Variants in MAPK8IP3 observed in about 807,000 individuals in gnomAD.
MAPK8IP3 encodes C-Jun-amino-terminal kinase-interacting protein 3.
Under a neutral mutation model 157.8 loss-of-function variants are expected in MAPK8IP3, and 49 were observed. The ratio of observed to expected loss-of-function variants is 0.31; its 90% CI spans 0.25 to 0.39. The LOEUF (loss-of-function observed/expected upper bound fraction) is 0.39, where lower values mean the gene tolerates loss of function less well. MAPK8IP3 is among the 10% of genes least tolerant of loss of function. MAPK8IP3 has a pLI of 1.00. For missense variants in MAPK8IP3, 1,478 were observed against 1,889.4 expected (o/e 0.78, Z 4.04); for synonymous variants, 897 against 777.7 (o/e 1.15, Z -2.55).
At chr16:1,759,091 C>A in intron 10 of MAPK8IP3, 96 bp downstream of exon 10, 1 of 1,537,792 alleles carries the variant, frequency 6.5e-7, no homozygotes, top group Middle Eastern at 1.7e-4. Flanking sequence ...ATGATGGGGA[C>A]AGTGTTGGGG....
At chr16:1,739,216 G>A (rs1217728493) in intron 4 of MAPK8IP3, among the ~76,000 whole-genome samples, 2 of 137,188 alleles carry the variant, frequency 1.5e-5, no homozygotes, top group Non-Finnish European at 3.1e-5. Flanking sequence ...GCGTCCGTGT[G>A]AGCGTGTGAC....
chr16:1,748,436 G>A, intron 7 of MAPK8IP3, 90 bp downstream of exon 7: 2 of 1,251,264 alleles, frequency 1.6e-6, no homozygotes, highest in East Asian at 2.5e-5. Context: ...GCCACCACTG[G>A]GAGAACCATC....
chr16:1,716,580 C>T lies in MAPK8IP3; in HGVS notation c.319-7977C>T, dbSNP rs564868264. Among the ~76,000 whole-genome samples, 22 of 152,078 alleles carry T rather than the reference C, an allele frequency of 1.4e-4. No homozygotes were observed. The South Asian group carries it at 4.2e-3, about 29-fold the overall frequency. On this transcript the variant is annotated intron_variant, in intron 1 of 31. Transcript: ENST00000610761. ...AAAATGCTGGGATTACAGGAGTAAG[C>T]CACTGTGCCCAGCCAGGTTATTTCA...
In MAPK8IP3 at chr16:1,728,226, G is replaced by A. The variant is rs559502475; in HGVS notation, c.440-912G>A. On this transcript the variant is annotated intron_variant, in intron 2 of 31. Transcript: ENST00000610761. Reference sequence around the variant, plus strand: ...ATCACGTCTGGGGCCAGAGAGGCCCGTGTTGGTGTCACGGGGGGCCTCCCG... The same window carrying A: ...ATCACGTCTGGGGCCAGAGAGGCCCATGTTGGTGTCACGGGGGGCCTCCCG... 4.7e-4 allele frequency among the ~76,000 whole-genome samples: 71 copies of A among 152,332 alleles called. 1 individual carries two copies. The South Asian group carries it at 0.012, about 27-fold the overall frequency.
In MAPK8IP3 at chr16:1,762,885, C is replaced by G; in HGVS notation, c.1777C>G (p.Pro593Ala). 1 of 1,613,188 alleles carries G rather than the reference C, an allele frequency of 6.2e-7. No individual in the cohort carries two copies. The highest frequency in any genetic ancestry group is 8.5e-7 in the Non-Finnish European group (1 of 1,179,984). ...CTCCAGCCCCCCTCCGGCCAAGCGC[C>G]CCTATCCCTCGGTGAACATCCACTA... ...SSSSPPPAKR[P>A]YPSVNIHYKS... Residue 593 changes from proline (P) to alanine (A), a missense_variant, in exon 16 of 32, where the codon CCC becomes GCC. Pro to Ala is a conservative substitution (Grantham distance 27). Transcript: ENST00000610761.
intron 1 of MAPK8IP3, among the ~76,000 whole-genome samples, chr16:1,720,472 G>A (rs1305673014): frequency 6.6e-6 from 1 of 152,176 alleles, no homozygotes; most frequent in Non-Finnish European, 1.5e-5. Flanking sequence ...GAGTACGCCT[G>A]TTGGTGTTGA....
intron 1 of MAPK8IP3, chr16:1,713,579 G>C (rs555897860): frequency 1.3e-5 from 2 of 152,216 alleles, no homozygotes; most frequent in Non-Finnish European, 2.9e-5. Context: ...GGGAGATCCC[G>C]TAGCAGTGGG....
In MAPK8IP3 at chr16:1,743,284, C is replaced by A; in HGVS notation, c.603-48C>A. On this transcript the variant is annotated intron_variant, in intron 4 of 31. Coordinates refer to ENST00000610761, the MANE Select transcript of MAPK8IP3 (RefSeq NM_001318852.2). The surrounding 1 kb of genome is among the most constrained non-coding windows in gnomAD (Gnocchi z 5.6). ...CCTGGGAGGGCTTGGGAAATCTTCA[C>A]GGCCACCCTCTAACCATCGCTTCCT... 6.7e-7 allele frequency: 1 copy of A among 1,487,846 alleles called. No individual in the cohort carries two copies. The highest frequency in any genetic ancestry group is 8.9e-7 in the Non-Finnish European group (1 of 1,124,400). 92.2% of individuals were successfully genotyped at this position (1,487,846 alleles called of 1,614,324 possible). A position where few individuals can be genotyped will look rare whatever the true frequency, so the allele number is the denominator to read the frequency against.
rs1287668308 is a variant in MAPK8IP3 at position 1,764,201 on chromosome 16, C to T, written c.2112C>T (p.Pro704=). 1.2e-6 allele frequency: 2 copies of T among 1,610,918 alleles called. No homozygotes were observed. Among genetic ancestry groups the T allele is most frequent in the African/African-American group, 2.7e-5 (2 of 74,914 alleles). ...VYCRPLVEKD[P]TMKLWCAAGV... ...GCCGCCCTCTGGTGGAGAAGGACCC[C>T]ACCATGAAGGTGAGCCCGCGAGGAC... Residue 704 remains proline (P), a synonymous_variant, in exon 18 of 32, where the codon CCC becomes CCT. Coordinates refer to ENST00000610761, the MANE Select transcript of MAPK8IP3 (RefSeq NM_001318852.2).
Position 1,767,905 on chromosome 16 carries a change from C to T in MAPK8IP3, c.3510C>T (p.Ile1170=), listed in dbSNP as rs1163506277. 3.1e-6 allele frequency: 5 copies of T among 1,610,952 alleles called. No individual in the cohort carries two copies. The highest frequency in any genetic ancestry group is 4.2e-6 in the Non-Finnish European group (5 of 1,179,794). ...VGTGNGVVIS[I]PLTETVVLHR... is the part of the protein sequence containing the mutation. ...CCGGCAACGGAGTGGTCATCTCCATCCCCCTGACAGAGAGTGAGTGGCCTG... is the reference window on the plus strand; with the variant it reads ...CCGGCAACGGAGTGGTCATCTCCATTCCCCTGACAGAGAGTGAGTGGCCTG... The change falls in exon 28 of 32, where the codon ATC becomes ATT. Residue 1170 remains isoleucine (I), a synonymous_variant. Transcript: ENST00000610761.
Position 1,768,755 on chromosome 16 carries a change from G to A in MAPK8IP3, c.3945G>A (p.Val1315=), listed in dbSNP as rs1288426514. ...AGGGCGCAGGGGACATGAGCCAGGT[G>A]AAGCCCGTGCTGTCCAAGGCAGAGC... The part of the protein sequence containing the change: ...TEEGAGDMSQ[V]KPVLSKAERS... The change falls in exon 32 of 32, where the codon GTG becomes GTA. Residue 1315 remains valine (V), a synonymous_variant. Coordinates refer to ENST00000610761, the MANE Select transcript of MAPK8IP3 (RefSeq NM_001318852.2). 1 of 1,612,828 alleles carries A rather than the reference G, an allele frequency of 6.2e-7. No homozygotes were observed. The highest frequency in any genetic ancestry group is 1.7e-5 in the Admixed American group (1 of 60,022).
In MAPK8IP3 at chr16:1,766,141, G is replaced by T. The variant is rs1410537672; in HGVS notation, c.2628G>T (p.Gln876His). 6 of 1,608,142 alleles carry T rather than the reference G, an allele frequency of 3.7e-6. No homozygotes were observed. The highest frequency in any genetic ancestry group is 4.2e-6 in the Non-Finnish European group (5 of 1,176,534). ...ACACCCCAGTGCTAGACAAGGGGCA[G>T]GGTGAGTCCTGGGCGAGTTTCCCCC... ...RGDTPVLDKG[Q>H]GEVATIANGK... is the part of the protein sequence containing the mutation. Residue 876 changes from glutamine (Q) to histidine (H), a missense_variant and splice_region_variant, in exon 21 of 32, where the codon CAG becomes CAT. Around this residue, in one of 11 missense-constraint regions of MAPK8IP3, gnomAD observed 669 missense variants for 759.8 expected, o/e 0.88. Transcript: ENST00000610761.
rs1020211820 is a variant in MAPK8IP3 at position 1,746,821 on chromosome 16, A to C, written c.748-208A>C. ...GGTGGCCCTGCTTCCGAGGAGCCGG[A>C]GTCAGTGGCCGGATAAGCAGAGCCA... On this transcript the variant is annotated intron_variant, in intron 5 of 31. Transcript: ENST00000610761. 2.5e-5 allele frequency: 15 copies of C among 602,656 alleles called. No individual in the cohort carries two copies. In the African/African-American group the frequency reaches 2.8e-4, roughly 11 times the overall value. The allele number at this position is 602,656 out of a possible 1,614,324, so 37.3% of individuals were successfully genotyped here. A position where few individuals can be genotyped will look rare whatever the true frequency, so the allele number is the denominator to read the frequency against.
rs543990121 is a variant in MAPK8IP3, at chr16:1,769,919, G to A, written c.*1095G>A. The A allele has an allele frequency of 4.6e-5, 7 of 152,446 alleles. No individual in the cohort carries two copies. Among genetic ancestry groups the A allele is most frequent in the East Asian group, 3.9e-4 (2 of 5,170 alleles). 9.4% of individuals were successfully genotyped at this position (152,446 alleles called of 1,614,324 possible). A position where few individuals can be genotyped will look rare whatever the true frequency, so the allele number is the denominator to read the frequency against. Reference sequence around the variant, plus strand: ...CCCAGCCGACTCCAAGCCCGCAGAGGGCAGACGCCACCCTGGACTGCTCTC... The same window carrying A: ...CCCAGCCGACTCCAAGCCCGCAGAGAGCAGACGCCACCCTGGACTGCTCTC... On this transcript the variant is annotated 3_prime_UTR_variant, in exon 32 of 32. Transcript: ENST00000610761.
chr16:1,721,776 G>A (rs1008075261), intron 1 of MAPK8IP3, among the ~76,000 whole-genome samples: 1 of 151,242 alleles, frequency 6.6e-6, no homozygotes, highest in Admixed American at 6.6e-5. Context: ...GTTTTGTTTT[G>A]TTTTGTTTTT....
intron 12 of MAPK8IP3, 62 bp from the exon 13 acceptor site, chr16:1,761,162 C>T: frequency 7.3e-7 from 1 of 1,364,182 alleles, no homozygotes; most frequent in South Asian, 1.2e-5. Context: ...GCACTGCCCG[C>T]TATGTGTTCC....
Position 1,764,404 on chromosome 16 carries a change from A to C in MAPK8IP3, c.2225A>C (p.Asp742Ala). 1 of 1,603,712 alleles carries C rather than the reference A, an allele frequency of 6.2e-7. No individual in the cohort carries two copies. Among genetic ancestry groups the C allele is most frequent in the Non-Finnish European group, 8.5e-7 (1 of 1,176,736 alleles). ...CCAGGCCGCGATCCCCTGACCTGCG[A>C]CCGCGAAGGAGACGGCGAGCCCAAG... is the stretch of plus-strand genomic sequence containing the variant. ...PAPGRDPLTC[D>A]REGDGEPKSA... The change falls in exon 19 of 32, where the codon GAC becomes GCC. Residue 742 changes from aspartate (D) to alanine (A), a missense_variant. Physicochemically the swap from Asp to Ala is moderately radical, Grantham distance 126. Transcript: ENST00000610761.
At chr16:1,764,820 G>A (rs762717444) in intron 19 of MAPK8IP3, among the ~76,000 whole-genome samples, 193 bp from the exon 20 acceptor site, 8 of 152,166 alleles carry the variant, frequency 5.3e-5, no homozygotes, top group Non-Finnish European at 1.0e-4. Flanking sequence ...CTGTGGAGGC[G>A]AAACCGTGTC....
chr16:1,752,657 G>A (rs2041360340), intron 8 of MAPK8IP3: 1 of 222,774 alleles, frequency 4.5e-6, no homozygotes, highest in Admixed American at 5.8e-5. Context: ...GCTGAAGTGG[G>A]AAGATCACTT....
Sources: allele counts gnomAD v4.1 joint callset (sites outside exome capture counted in the v4.1 genomes callset), GRCh38; gene constraint gnomAD v4.1.1; regional missense constraint gnomAD v4.1.1; non-coding constraint Gnocchi (gnomAD v3.1); transcripts MANE v1.5; gene names NCBI Gene and HGNC (gene_info 2026-07-23, HGNC 2026-07-21).